The following MIAT variants were observed in gnomAD, a reference collection of about 807,000 sequenced individuals.
MIAT encodes the protein myocardial infarction associated transcript, also known as MI related novel mRNA.
downstream of MIAT, chr22:26,671,411 G>C (rs985542649): frequency 5.0e-6 from 2 of 398,666 alleles, no homozygotes; most frequent in Admixed American, 4.4e-5. Context: ...TGCATGGTGT[G>C]ATTAACCTAC....
chr22:26,670,804 GC>G, downstream of MIAT: 1 of 398,554 alleles, frequency 2.5e-6, no homozygotes, highest in South Asian at 1.3e-4. Flanking sequence ...TGTGGGAGAT[GC>G]TAGGCTGGGG....
At chr22:26,666,447 C>T in exon 4 of MIAT, 1 of 398,688 alleles carries the variant, frequency 2.5e-6, no homozygotes, top group Admixed American at 4.4e-5. Context: ...TTGCTTCAAA[C>T]AATGGGTGAT....
At chr22:26,670,953 C>A (rs1602372444), downstream of MIAT, 2 of 396,352 alleles carry the variant, frequency 5.0e-6, no homozygotes, top group Admixed American at 8.9e-5. Context: ...GCCAGGCCAG[C>A]TTGATGCGTT....
At chr22:26,649,987 T>A (rs956008352) in intron 2 of MIAT, among the ~76,000 whole-genome samples, 1 of 152,200 alleles carries the variant, frequency 6.6e-6, no homozygotes, top group African/African-American at 2.4e-5. Context: ...TCCGACAGTC[T>A]CCCAGAAGAC....
At chr22:26,654,480 T>G (rs1040819240) in intron 2 of MIAT, among the ~76,000 whole-genome samples, 1 of 152,208 alleles carries the variant, frequency 6.6e-6, no homozygotes, top group Non-Finnish European at 1.5e-5. Context: ...ATGGATCCCC[T>G]GTATTCAGTT....
At chr22:26,661,945 T>TGG (rs1363369903) in intron 2 of MIAT, among the ~76,000 whole-genome samples, 21 of 33,664 alleles carry the variant, frequency 6.2e-4, no homozygotes, top group East Asian at 3.1e-3. Flanking sequence ...TATATATATA[T>TGG]ATATATATAT....
chr22:26,666,089 A>C (rs2146013139), exon 4 of MIAT: 1 of 398,642 alleles, frequency 2.5e-6, no homozygotes, highest in South Asian at 1.3e-4. Context: ...GTCTGAGCTC[A>C]TCTCCAGTTC....
intron 2 of MIAT, among the ~76,000 whole-genome samples, chr22:26,661,304 A>G (rs1363478167): frequency 6.6e-6 from 1 of 152,172 alleles, no homozygotes; most frequent in South Asian, 2.1e-4. Flanking sequence ...GCAGAGGTGA[A>G]GTCTGGCTAA....
intron 2 of MIAT, among the ~76,000 whole-genome samples, chr22:26,656,320 T>C (rs1930447834): frequency 6.8e-6 from 1 of 147,448 alleles, no homozygotes; most frequent in African/African-American, 2.5e-5. Flanking sequence ...CGGCCTCTTT[T>C]CTTTTTCTTT....
At chr22:26,663,011 A>G (rs1407763749) in intron 2 of MIAT, among the ~76,000 whole-genome samples, 1 of 152,200 alleles carries the variant, frequency 6.6e-6, no homozygotes, top group Non-Finnish European at 1.5e-5. Context: ...CACTGTTATT[A>G]TCCTTAGTTT....
chr22:26,657,368 G>C (rs1355445001), intron 2 of MIAT: 3 of 397,284 alleles, frequency 7.6e-6, no homozygotes, highest in African/African-American at 6.2e-5. Context: ...AGGAGGGGTT[G>C]GGTGTGAGGT....
intron 2 of MIAT, among the ~76,000 whole-genome samples, chr22:26,653,375 G>T (rs966507547): frequency 1.3e-5 from 2 of 152,108 alleles, no homozygotes; most frequent in African/African-American, 4.8e-5. Context: ...GTGAGCCACG[G>T]TATCCTCTAA....
chr22:26,672,171 G>A (rs1931071926), downstream of MIAT: 1 of 399,724 alleles, frequency 2.5e-6, no homozygotes, highest in East Asian at 3.6e-5. Context: ...CGCTGGTGCT[G>A]TGCTCTGACT....
intron 2 of MIAT, among the ~76,000 whole-genome samples, chr22:26,658,996 C>G (rs1281632604): frequency 6.6e-6 from 1 of 152,164 alleles, no homozygotes; most frequent in Non-Finnish European, 1.5e-5. Flanking sequence ...ATGAGTAATT[C>G]CACTTGACAG....
intron 1 of MIAT, chr22:26,647,063 G>A (rs993354168): frequency 7.5e-6 from 3 of 397,930 alleles, no homozygotes; most frequent in African/African-American, 2.1e-5. Flanking sequence ...GAAGGCATAA[G>A]CAGCTGGGGT....
intron 2 of MIAT, among the ~76,000 whole-genome samples, chr22:26,662,457 CCTT>C (rs1365641400): frequency 6.6e-6 from 1 of 152,166 alleles, no homozygotes; most frequent in Admixed American, 6.5e-5. Flanking sequence ...GCTTTCTTTT[CCTT>C]CTTCTTGGTT....
chr22:26,663,566 G>A (rs1930743995), intron 3 of MIAT: 5 of 390,410 alleles, frequency 1.3e-5, no homozygotes, highest in Non-Finnish European at 2.3e-5. Context: ...TGGCTTTCCC[G>A]ACTGACCTTG....
rs112151761 is a variant in MIAT, at chr22:26,650,673, G to A, written n.646+3362G>A. Among the ~76,000 whole-genome samples, 250 of 152,296 alleles carry A rather than the reference G, an allele frequency of 1.6e-3. 2 individuals are homozygous for A. The highest frequency in any genetic ancestry group is 5.7e-3 in the African/African-American group (238 of 41,548). On this transcript the variant is annotated intron_variant and non_coding_transcript_variant, in intron 2 of 5. Coordinates refer to ENST00000643270, the Ensembl canonical transcript of MIAT. Reference sequence around the variant, plus strand: ...GACCACTGAGCTCTAGTTGACCATGGCATTGATCCTGAGCCCATGCCCAGA... The same window carrying A: ...GACCACTGAGCTCTAGTTGACCATGACATTGATCCTGAGCCCATGCCCAGA...
intron 3 of MIAT, chr22:26,665,364 C>T (rs917347544): frequency 2.0e-5 from 8 of 397,798 alleles, no homozygotes; most frequent in African/African-American, 1.6e-4. Context: ...TTTCTCTAGC[C>T]CCAAAGCCCA....
Sources: gnomAD v4.1 joint callset for allele counts (sites outside exome capture counted in the v4.1 genomes callset) on GRCh38, gnomAD v4.1.1 for gene constraint, MANE v1.5 for transcripts, NCBI Gene and HGNC (gene_info 2026-07-23, HGNC 2026-07-21) for gene names.